Variants in CNTN5 observed in about 807,000 individuals in gnomAD.
The protein encoded by CNTN5 is contactin-5.
A neutral mutation model predicts 129.1 loss-of-function variants in CNTN5; 77 were observed. That is an observed-to-expected ratio of 0.60 (90% CI 0.50 to 0.72). The LOEUF (loss-of-function observed/expected upper bound fraction) is 0.72, where lower values mean the gene tolerates loss of function less well. CNTN5 is among the 30% of genes least tolerant of loss of function. The pLI, the probability that CNTN5 is intolerant of heterozygous loss-of-function variation, is 0.00. For synonymous variants in CNTN5, 509 were observed against 465.6 expected, an observed-to-expected ratio of 1.09 and a Z score of -1.20; for missense variants, 1,478 against 1,328.8, an observed-to-expected ratio of 1.11 and a Z score of -1.75.
At chr11:99,176,850 A>T (rs1035461862) in intron 1 of CNTN5, among the ~76,000 whole-genome samples, 3 of 151,842 alleles carry the variant, frequency 2.0e-5, no homozygotes, top group African/African-American at 7.3e-5. Context: ...AGATTCTGTC[A>T]CTCCTCTGCT....
At chr11:99,147,250 CAT>C (rs1441642077) in intron 1 of CNTN5, among the ~76,000 whole-genome samples, 3 of 152,012 alleles carry the variant, frequency 2.0e-5, no homozygotes, top group Admixed American at 6.6e-5. Flanking sequence ...ATTAAGGTGA[CAT>C]ATAATTAGTG....
At chr11:100,040,337 C>T (rs943146635) in intron 9 of CNTN5, among the ~76,000 whole-genome samples, 2 of 152,138 alleles carry the variant, frequency 1.3e-5, no homozygotes, top group African/African-American at 4.8e-5. Context: ...GAAGTTTTGT[C>T]TCAGAAGAGT....
chr11:99,990,310 G>C (rs754283854), intron 8 of CNTN5, among the ~76,000 whole-genome samples: 16 of 151,998 alleles, frequency 1.1e-4, no homozygotes, highest in Non-Finnish European at 8.8e-5. Context: ...CCAGCCCCTT[G>C]ATCAATTTAT....
chr11:99,665,363 C>T (rs535323682), intron 3 of CNTN5, among the ~76,000 whole-genome samples: 8 of 150,932 alleles, frequency 5.3e-5, no homozygotes, highest in South Asian at 2.1e-4. Flanking sequence ...GGAGGAGAAA[C>T]GTAACCAGAG....
At chr11:99,883,733 A>C (rs1384004014) in intron 6 of CNTN5, among the ~76,000 whole-genome samples, 1 of 152,184 alleles carries the variant, frequency 6.6e-6, no homozygotes, top group Non-Finnish European at 1.5e-5. Context: ...AGAGTGAGAA[A>C]AGTCACTATC....
At chr11:99,130,346 A>C (rs1858870305) in intron 1 of CNTN5, among the ~76,000 whole-genome samples, 4 of 152,226 alleles carry the variant, frequency 2.6e-5, no homozygotes, top group Admixed American at 2.6e-4. Flanking sequence ...TTAAACCAAC[A>C]AAGATCAAAA....
intron 16 of CNTN5, among the ~76,000 whole-genome samples, chr11:100,252,595 G>A (rs535979740): frequency 6.6e-6 from 1 of 152,150 alleles, no homozygotes; most frequent in South Asian, 2.1e-4. Context: ...TTTGTATGAG[G>A]TGAGGGGTGA....
intron 2 of CNTN5, among the ~76,000 whole-genome samples, chr11:99,554,942 A>T (rs1948616952): frequency 6.6e-6 from 1 of 152,158 alleles, no homozygotes; most frequent in South Asian, 2.1e-4. Context: ...TGATGAAAAA[A>T]TTCTTTTGTT....
rs1440623686 is a variant in CNTN5 at position 100,348,399 on chromosome 11, A to G, written c.3031-2303A>G. Among the ~76,000 whole-genome samples, 3 of 152,050 alleles carry G rather than the reference A, an allele frequency of 2.0e-5. No individual in the cohort carries two copies. The East Asian group carries it at 5.8e-4, about 29-fold the overall frequency. ...CCTGGATATATTGGCAAAAGGCCAC[A>G]CTTAATCTCAAACTCGTTTTGACAC... On this transcript the variant is annotated intron_variant, in intron 23 of 24. Coordinates refer to ENST00000524871, the MANE Select transcript of CNTN5 (RefSeq NM_014361.4).
intron 13 of CNTN5, among the ~76,000 whole-genome samples, chr11:100,178,888 A>T (rs938480334): frequency 1.3e-5 from 2 of 152,102 alleles, no homozygotes; most frequent in Admixed American, 6.5e-5. Context: ...CATCCCAAAG[A>T]TTCAACGTCA....
intron 1 of CNTN5, among the ~76,000 whole-genome samples, chr11:99,046,107 G>A (rs1864195054): frequency 6.6e-6 from 1 of 152,166 alleles, no homozygotes; most frequent in Admixed American, 6.5e-5. Flanking sequence ...GAGAGGCCAA[G>A]GTGGGTGGAT....
At position 99,845,192 on chromosome 11, in the gene CNTN5, T is replaced by A; in HGVS notation, c.507T>A (p.Gly169=). 1 of 1,613,706 alleles carries A rather than the reference T, an allele frequency of 6.2e-7. No individual in the cohort carries two copies. The highest frequency in any genetic ancestry group is 1.1e-5 in the South Asian group (1 of 91,078). ...ISNPSEAKDS[G]HYQCLATNTV... ...ATCCAAGTGAAGCAAAGGATTCTGG[T>A]CATTATCAGTGTTTAGCAACCAACA... Residue 169 remains glycine, a synonymous_variant, in exon 6 of 25, where the codon GGT becomes GGA. Coordinates refer to ENST00000524871, the MANE Select transcript of CNTN5 (RefSeq NM_014361.4).
chr11:99,216,485 C>T (rs1366161927), intron 1 of CNTN5, among the ~76,000 whole-genome samples: 1 of 152,056 alleles, frequency 6.6e-6, no homozygotes, highest in African/African-American at 2.4e-5. Flanking sequence ...CTCTTAGATA[C>T]ATTCGTTGCT....
intron 24 of CNTN5, among the ~76,000 whole-genome samples, chr11:100,354,215 C>T (rs1191770221): frequency 6.6e-6 from 1 of 151,522 alleles, no homozygotes; most frequent in Non-Finnish European, 1.5e-5. Context: ...CAGTATGTGA[C>T]ATACAATAAT....
chr11:100,176,504 T>C (rs1170404859), intron 13 of CNTN5, among the ~76,000 whole-genome samples: 1 of 152,044 alleles, frequency 6.6e-6, no homozygotes, highest in Non-Finnish European at 1.5e-5. Context: ...TCTTGTCTAT[T>C]AAGGAAAAAT....
intron 2 of CNTN5, among the ~76,000 whole-genome samples, chr11:99,398,270 G>C (rs181315830): frequency 1.3e-5 from 2 of 151,882 alleles, no homozygotes; most frequent in African/African-American, 4.8e-5. Flanking sequence ...GTGACTTAGG[G>C]TCAAACCGTT....
chr11:100,284,287 C>T (rs1015216974), intron 18 of CNTN5, among the ~76,000 whole-genome samples: 10 of 152,158 alleles, frequency 6.6e-5, no homozygotes, highest in African/African-American at 2.4e-4. Context: ...GTGTCCTTGC[C>T]AAGGGGACAA....
chr11:100,090,909 C>T (rs1944758578), intron 13 of CNTN5, among the ~76,000 whole-genome samples: 2 of 152,006 alleles, frequency 1.3e-5, no homozygotes, highest in African/African-American at 4.8e-5. Context: ...CTCTCTTTAT[C>T]CAGTCTTGCT....
intron 8 of CNTN5, among the ~76,000 whole-genome samples, chr11:99,981,245 G>C (rs897728124): frequency 2.6e-5 from 4 of 151,820 alleles, no homozygotes; most frequent in Non-Finnish European, 4.4e-5. Context: ...CAAGTCCAAA[G>C]GCCTCAGAAC....
Sources: gnomAD v4.1 joint callset for allele counts (sites outside exome capture counted in the v4.1 genomes callset) on GRCh38, gnomAD v4.1.1 for gene constraint, MANE v1.5 for transcripts, NCBI Gene and HGNC (gene_info 2026-07-23, HGNC 2026-07-21) for gene names.